The following RPTOR variants were observed in gnomAD, a reference collection of about 807,000 sequenced individuals.
RPTOR encodes regulatory associated protein of MTOR complex 1, also known as regulatory-associated protein of mTOR.
RPTOR carries 21 observed loss-of-function variants against 169.9 expected under a neutral mutation model. The observed-to-expected ratio is 0.12, with a 90% CI of 0.09 to 0.18. The LOEUF (loss-of-function observed/expected upper bound fraction) is 0.18, where lower values mean the gene tolerates loss of function less well. Ranked by LOEUF, RPTOR falls within the 10% of genes least tolerant of loss-of-function variation. RPTOR has a pLI of 1.00. For synonymous variants in RPTOR, 732 were observed against 753.2 expected (o/e 0.97, Z 0.46); for missense variants, 1,133 against 1,855.9 (o/e 0.61, Z 7.16).
At chr17:80,891,860 C>A in intron 18 of RPTOR, 23 bp downstream of exon 18, 1 of 1,531,430 alleles carries the variant, frequency 6.5e-7, no homozygotes, top group Non-Finnish European at 9.0e-7. Flanking sequence ...CTCCTGTGAA[C>A]CCGCAGAGCA....
chr17:80,829,304 C>T (rs1056668467), intron 9 of RPTOR, among the ~76,000 whole-genome samples: 2 of 152,136 alleles, frequency 1.3e-5, no homozygotes, highest in African/African-American at 2.4e-5. Context: ...AGCAGAAAGA[C>T]GGGGCTGGTG....
chr17:80,674,626 A>T (rs1286982535), intron 3 of RPTOR, among the ~76,000 whole-genome samples: 2 of 152,046 alleles, frequency 1.3e-5, no homozygotes, highest in Non-Finnish European at 2.9e-5. Context: ...AGTTTTCTGT[A>T]ATCCTTCTGA....
At chr17:80,825,401 A>AGGCCGCGTGGC (rs1404711170) in intron 9 of RPTOR, among the ~76,000 whole-genome samples, 3 of 152,238 alleles carry the variant, frequency 2.0e-5, no homozygotes, top group Non-Finnish European at 2.9e-5. Context: ...CTCTGTCTAG[A>AGGCCGCGTGGC]GACTGCTTTC....
chr17:80,870,031 T>C (rs1211572063), intron 13 of RPTOR, among the ~76,000 whole-genome samples: 1 of 152,208 alleles, frequency 6.6e-6, no homozygotes, highest in Non-Finnish European at 1.5e-5. Context: ...TTTGTGTATC[T>C]GCTAATTAGC....
At chr17:80,712,322 C>T (rs1261652188) in intron 4 of RPTOR, among the ~76,000 whole-genome samples, 1 of 152,206 alleles carries the variant, frequency 6.6e-6, no homozygotes, top group Non-Finnish European at 1.5e-5. Context: ...GGTTGCCACA[C>T]AGAGTAGTGG....
In RPTOR at chr17:80,707,511, C is replaced by T. The variant is rs945039126; in HGVS notation, c.349-330C>T. On this transcript the variant is annotated intron_variant, in intron 3 of 33. Coordinates refer to ENST00000306801, the MANE Select transcript of RPTOR (RefSeq NM_020761.3). This position sits in a 1 kb window ranked among gnomAD's most constrained non-coding sequence, Gnocchi z 5.0. ...ACCTCCTGGGCTTAAGTGATCCTTC[C>T]ACCTCAGCTGGGACTACAGGTGTGT... 6.6e-6 allele frequency among the ~76,000 whole-genome samples: 1 copy of T among 151,984 alleles called. No individual in the cohort carries two copies. Among genetic ancestry groups the T allele is most frequent in the Non-Finnish European group, 1.5e-5 (1 of 68,000 alleles).
chr17:80,712,793 C>T (rs1479778066), intron 4 of RPTOR, among the ~76,000 whole-genome samples: 3 of 152,272 alleles, frequency 2.0e-5, no homozygotes, highest in South Asian at 2.1e-4. Flanking sequence ...CAGCACTGAA[C>T]GAGAGTATCT....
At chr17:80,593,410 TACA>T (rs770471652) in intron 1 of RPTOR, 8 of 154,794 alleles carry the variant, frequency 5.2e-5, no homozygotes, top group African/African-American at 1.4e-4. Context: ...TGCGTGCTGT[TACA>T]ACACCATGTG....
chr17:80,566,339 G>A (rs1419845762), intron 1 of RPTOR, among the ~76,000 whole-genome samples: 2 of 152,136 alleles, frequency 1.3e-5, no homozygotes, highest in Non-Finnish European at 1.5e-5. Flanking sequence ...GTTATGGAGA[G>A]GTTTCCCAGA....
chr17:80,905,653 C>T (rs2068532454), intron 20 of RPTOR, among the ~76,000 whole-genome samples: 1 of 152,144 alleles, frequency 6.6e-6, no homozygotes, highest in African/African-American at 2.4e-5. Flanking sequence ...ACACACACCC[C>T]CACCCCGCCC....
At chr17:80,671,044 C>T (rs2065818077) in intron 3 of RPTOR, among the ~76,000 whole-genome samples, 1 of 152,070 alleles carries the variant, frequency 6.6e-6, no homozygotes, top group Non-Finnish European at 1.5e-5. Flanking sequence ...AGAGCGTGGG[C>T]CCTGGAGCGT....
intron 1 of RPTOR, among the ~76,000 whole-genome samples, chr17:80,576,947 A>G (rs1048208375): frequency 1.3e-5 from 2 of 151,922 alleles, no homozygotes; most frequent in African/African-American, 4.8e-5. Flanking sequence ...CAGGCGATCC[A>G]CATACCTTGG....
At chr17:80,634,670 C>T (rs1259411793) in intron 2 of RPTOR, among the ~76,000 whole-genome samples, 4 of 77,994 alleles carry the variant, frequency 5.1e-5, no homozygotes, top group South Asian at 4.6e-4. Context: ...TGTGTGTGTG[C>T]GTACTGTGTG....
At chr17:80,615,059 C>A (rs971495610) in intron 1 of RPTOR, among the ~76,000 whole-genome samples, 1 of 152,130 alleles carries the variant, frequency 6.6e-6, no homozygotes, top group East Asian at 1.9e-4. Flanking sequence ...ATCATTCTTA[C>A]GTAGATGGCA....
At chr17:80,556,761 CAA>C (rs1197172098) in intron 1 of RPTOR, among the ~76,000 whole-genome samples, 1 of 144,702 alleles carries the variant, frequency 6.9e-6, no homozygotes, top group African/African-American at 2.6e-5. Flanking sequence ...TCAGGAGTCA[CAA>C]AGAGACCATC....
chr17:80,930,244 GC>G (rs2068865667), intron 24 of RPTOR, among the ~76,000 whole-genome samples: 2 of 20,562 alleles, frequency 9.7e-5, no homozygotes, highest in African/African-American at 2.0e-4. Context: ...CTCATCCTCA[GC>G]TCAGCTCATC....
In RPTOR at chr17:80,962,471, G is replaced by C. The variant is rs772672009; in HGVS notation, c.3703G>C (p.Asp1235His). The C allele has an allele frequency of 6.2e-7, 1 of 1,613,764 alleles. No individual in the cohort carries two copies. The highest frequency in any genetic ancestry group is 1.3e-5 in the African/African-American group (1 of 75,054). ...GHIVSVSVNGDVRIFDPRMPE... is the reference protein window; with the variant it reads ...GHIVSVSVNGHVRIFDPRMPE... Reference sequence around the variant, plus strand: ...ACCCTCTCTTGGCAGCGTCAATGGAGATGTGCGCATCTTTGATCCCCGGAT... The same window carrying C: ...ACCCTCTCTTGGCAGCGTCAATGGACATGTGCGCATCTTTGATCCCCGGAT... Residue 1235 changes from aspartate to histidine, a missense_variant, in exon 32 of 34, where the codon GAT becomes CAT. Around this residue, in one of 9 missense-constraint regions of RPTOR, gnomAD observed 410 missense variants for 623.7 expected, o/e 0.66. Transcript: ENST00000306801.
chr17:80,598,674 C>T (rs1164684408), intron 1 of RPTOR, among the ~76,000 whole-genome samples: 6 of 152,168 alleles, frequency 3.9e-5, no homozygotes, highest in African/African-American at 1.4e-4. Context: ...CTCTGTGATC[C>T]TGCTGACAAA....
rs1448591601 is a variant in RPTOR, at chr17:80,898,161, C to T, written c.2401+4296C>T. 2.0e-5 allele frequency among the ~76,000 whole-genome samples: 3 copies of T among 152,186 alleles called. No individual in the cohort carries two copies. The East Asian group carries it at 5.8e-4, about 29-fold the overall frequency. ...TTTACATTCTCTATTTCTTCATAAG[C>T]TAGCTTCAAAAAGTTTTATTCTTCT... On this transcript the variant is annotated intron_variant, in intron 20 of 33. Coordinates refer to ENST00000306801, the MANE Select transcript of RPTOR (RefSeq NM_020761.3).
Sources: allele counts gnomAD v4.1 joint callset (sites outside exome capture counted in the v4.1 genomes callset), GRCh38; gene constraint gnomAD v4.1.1; regional missense constraint gnomAD v4.1.1; non-coding constraint Gnocchi (gnomAD v3.1); transcripts MANE v1.5; gene names NCBI Gene and HGNC (gene_info 2026-07-23, HGNC 2026-07-21).